SLC24A3: variants seen among roughly 807,000 people sequenced by gnomAD.
SLC24A3 encodes the protein solute carrier family 24 member 3.
In SLC24A3, 28 loss-of-function variants were observed where a neutral mutation model predicts 75.8. The observed-to-expected ratio is 0.37, with a 90% confidence interval of 0.27 to 0.51. The LOEUF (loss-of-function observed/expected upper bound fraction) is 0.51, where lower values mean the gene tolerates loss of function less well. Among genes scored for constraint, SLC24A3 ranks in the 20% least tolerant of loss-of-function variants. The pLI, the probability that SLC24A3 is intolerant of heterozygous loss-of-function variation, is 0.94. For synonymous variants in SLC24A3, 372 were observed against 334.1 expected (o/e 1.11, Z -1.24); for missense variants, 663 against 847.8 (o/e 0.78, Z 2.71).
chr20:19,400,488 G>T (rs1001004239), intron 2 of SLC24A3, among the ~76,000 whole-genome samples: 28 of 152,150 alleles, frequency 1.8e-4, no homozygotes, highest in African/African-American at 5.1e-4. Context: ...CTGTGTGAGT[G>T]CCGGGCGCTG....
intron 2 of SLC24A3, among the ~76,000 whole-genome samples, chr20:19,312,353 A>ATT (rs1984477626): frequency 6.6e-6 from 1 of 152,204 alleles, no homozygotes; most frequent in Non-Finnish European, 1.5e-5. Flanking sequence ...GGAAGTTAGA[A>ATT]CAGTATAGGT....
intron 2 of SLC24A3, among the ~76,000 whole-genome samples, chr20:19,406,209 C>T (rs6035325): frequency 8.2e-4 from 111 of 135,846 alleles, no homozygotes; most frequent in African/African-American, 3.1e-3. Context: ...TGTGTGTGTG[C>T]GTGCGTGTGT....
intron 7 of SLC24A3, among the ~76,000 whole-genome samples, chr20:19,659,639 T>C (rs1359011969): frequency 1.3e-5 from 2 of 152,234 alleles, no homozygotes; most frequent in Non-Finnish European, 2.9e-5. Flanking sequence ...ACGTTAGAGA[T>C]GGCATCACCA....
intron 2 of SLC24A3, among the ~76,000 whole-genome samples, chr20:19,316,861 T>C (rs189545811): frequency 6.6e-6 from 1 of 152,296 alleles, no homozygotes; most frequent in East Asian, 1.9e-4. Context: ...AGTTCAGGGG[T>C]ACATGTGCAG....
chr20:19,387,818 A>G (rs1469516845), intron 2 of SLC24A3, among the ~76,000 whole-genome samples: 2 of 152,174 alleles, frequency 1.3e-5, no homozygotes, highest in East Asian at 3.8e-4. Flanking sequence ...TGTTCTGTAT[A>G]TGTCTGGTAG....
intron 2 of SLC24A3, among the ~76,000 whole-genome samples, chr20:19,428,254 C>G (rs1051262431): frequency 1.3e-5 from 2 of 152,178 alleles, no homozygotes; most frequent in African/African-American, 2.4e-5. Flanking sequence ...TGGTTTGCCT[C>G]AACCAGCTCA....
chr20:19,585,418 C>CTGA (rs1233261618), intron 5 of SLC24A3, 23 bp from the exon 6 acceptor site: 2 of 1,610,046 alleles, frequency 1.2e-6, no homozygotes, highest in African/African-American at 1.3e-5. Context: ...AACAGCCAGG[C>CTGA]TGATGTGGGA....
At chr20:19,228,048 C>G (rs1166474320) in intron 1 of SLC24A3, among the ~76,000 whole-genome samples, 2 of 152,146 alleles carry the variant, frequency 1.3e-5, no homozygotes, top group African/African-American at 4.8e-5. Context: ...CTTACATTTA[C>G]TGGTGAAGGT....
At chr20:19,653,392 A>G (rs552957699) in intron 6 of SLC24A3, among the ~76,000 whole-genome samples, 6 of 152,336 alleles carry the variant, frequency 3.9e-5, no homozygotes, top group South Asian at 2.1e-4. Context: ...ATGCAAATCA[A>G]TCTTTCAAAG....
intron 2 of SLC24A3, among the ~76,000 whole-genome samples, chr20:19,391,167 C>G (rs1986358074): frequency 2.0e-5 from 3 of 152,180 alleles, no homozygotes; most frequent in Admixed American, 2.0e-4. Flanking sequence ...TCAAGGAAGC[C>G]TTTTTATCCC....
At chr20:19,224,281 G>A (rs879003445) in intron 1 of SLC24A3, among the ~76,000 whole-genome samples, 1 of 152,130 alleles carries the variant, frequency 6.6e-6, no homozygotes, top group Non-Finnish European at 1.5e-5. Context: ...TAGTACAAAA[G>A]GAGTAGTCCA....
intron 2 of SLC24A3, among the ~76,000 whole-genome samples, chr20:19,359,583 T>C (rs925793320): frequency 6.6e-6 from 1 of 152,172 alleles, no homozygotes; most frequent in African/African-American, 2.4e-5. Context: ...GGCACCTCCA[T>C]AGATTTCTAT....
At chr20:19,349,956 G>A (rs138815279) in intron 2 of SLC24A3, among the ~76,000 whole-genome samples, 1 of 152,298 alleles carries the variant, frequency 6.6e-6, no homozygotes, top group Non-Finnish European at 1.5e-5. Context: ...TTTCACTCAT[G>A]TCACAAGACT....
intron 2 of SLC24A3, among the ~76,000 whole-genome samples, chr20:19,404,729 G>A (rs546713626): frequency 6.6e-6 from 1 of 152,302 alleles, no homozygotes; most frequent in East Asian, 1.9e-4. Context: ...GTGCAAGCAT[G>A]TCCCCTTGCA....
chr20:19,679,858 T>C (rs1013294417), intron 9 of SLC24A3, among the ~76,000 whole-genome samples: 1 of 148,132 alleles, frequency 6.8e-6, no homozygotes, highest in African/African-American at 2.6e-5. Flanking sequence ...TGTGTCTGTA[T>C]GTGTGTGCAT....
intron 2 of SLC24A3, among the ~76,000 whole-genome samples, chr20:19,508,365 C>T (rs573547862): frequency 5.3e-5 from 8 of 152,298 alleles, no homozygotes; most frequent in Non-Finnish European, 1.0e-4. Flanking sequence ...CTGATGGCTG[C>T]AGCAGCCCAT....
Position 19,400,577 on chromosome 20 carries a change from C to T in SLC24A3, c.272-114911C>T, listed in dbSNP as rs559798188. On this transcript the variant is annotated intron_variant, in intron 2 of 16. Transcript: ENST00000328041. ...GTGCTGATCAGTGCTCAGCTGAATG[C>T]TCCTGCGGGACCCTCTGCAACCCTC... Among the ~76,000 whole-genome samples, 11 of 152,292 alleles carry T rather than the reference C, an allele frequency of 7.2e-5. No homozygotes were observed. In the South Asian group the frequency reaches 1.9e-3, roughly 26 times the overall value.
intron 6 of SLC24A3, among the ~76,000 whole-genome samples, chr20:19,631,974 G>A (rs2031940275): frequency 1.3e-5 from 2 of 151,974 alleles, no homozygotes; most frequent in Admixed American, 6.6e-5. Flanking sequence ...TCTAGAGAAT[G>A]GCAGTAACCA....
At chr20:19,505,042 A>G (rs1044696339) in intron 2 of SLC24A3, among the ~76,000 whole-genome samples, 1 of 152,230 alleles carries the variant, frequency 6.6e-6, no homozygotes, top group African/African-American at 2.4e-5. Context: ...TAGTTTGTCA[A>G]ATTACATTTC....
Sources: allele counts gnomAD v4.1 joint callset (sites outside exome capture counted in the v4.1 genomes callset), GRCh38; gene constraint gnomAD v4.1.1; transcripts MANE v1.5; gene names NCBI Gene and HGNC (gene_info 2026-07-23, HGNC 2026-07-21).